STXBP3: variants seen among roughly 807,000 people sequenced by gnomAD.
STXBP3 encodes syntaxin binding protein 3, also known as syntaxin-binding protein 3.
A neutral mutation model predicts 85.7 loss-of-function variants in STXBP3; 41 were observed. The ratio of observed to expected loss-of-function variants is 0.48; its 90% CI spans 0.37 to 0.62. STXBP3 has a LOEUF of 0.62. STXBP3 is among the 20% of genes least tolerant of loss of function. The pLI is 0.00. For missense variants in STXBP3, 563 were observed against 703.1 expected (o/e 0.80, Z 2.25); for synonymous variants, 229 against 231.7 (o/e 0.99, Z 0.10).
intron 11 of STXBP3, among the ~76,000 whole-genome samples, chr1:108,788,876 A>G (rs931189973): frequency 4.1e-4 from 62 of 152,230 alleles, no homozygotes; most frequent in Middle Eastern, 3.4e-3. Flanking sequence ...AGTCTGGCCA[A>G]CATGGTGAAA....
chr1:108,797,682 A>G (rs1311991576), intron 15 of STXBP3, among the ~76,000 whole-genome samples: 2 of 151,854 alleles, frequency 1.3e-5, no homozygotes, highest in African/African-American at 4.8e-5. Flanking sequence ...TTCTGGGATT[A>G]CAGGTGTGAG....
At chr1:108,764,132 A>G (rs1047821887) in intron 6 of STXBP3, among the ~76,000 whole-genome samples, 1 of 152,098 alleles carries the variant, frequency 6.6e-6, no homozygotes, top group Non-Finnish European at 1.5e-5. Context: ...GAAAACATGT[A>G]GTATTTGGTT....
intron 7 of STXBP3, among the ~76,000 whole-genome samples, chr1:108,773,896 G>A (rs1394725742): frequency 2.0e-5 from 3 of 151,850 alleles, no homozygotes; most frequent in Admixed American, 6.6e-5. Flanking sequence ...TTGAGGACGT[G>A]CTAGATATGG....
chr1:108,757,673 A>G (rs1328354546), intron 4 of STXBP3, among the ~76,000 whole-genome samples: 4 of 152,062 alleles, frequency 2.6e-5, no homozygotes, highest in African/African-American at 9.6e-5. Flanking sequence ...ATATACTGCT[A>G]GTGGGAGTAT....
chr1:108,785,614 T>A (rs909273630), intron 11 of STXBP3, among the ~76,000 whole-genome samples: 1 of 152,234 alleles, frequency 6.6e-6, no homozygotes, highest in African/African-American at 2.4e-5. Flanking sequence ...TATGCAGATT[T>A]CAGCAGCCAG....
intron 18 of STXBP3, 55 bp from the exon 19 acceptor site, chr1:108,808,728 G>A (rs1033449285): frequency 3.9e-5 from 53 of 1,375,156 alleles, no homozygotes; most frequent in Middle Eastern, 1.8e-4. Context: ...TATATTAAGC[G>A]AAGGAAAATT....
chr1:108,767,989 A>G, intron 6 of STXBP3, among the ~76,000 whole-genome samples: 1 of 152,180 alleles, frequency 6.6e-6, no homozygotes, highest in East Asian at 1.9e-4. Flanking sequence ...GCTACACATA[A>G]GTGCATGGGA....
intron 11 of STXBP3, among the ~76,000 whole-genome samples, chr1:108,786,027 T>G (rs946540133): frequency 2.0e-5 from 3 of 152,210 alleles, no homozygotes; most frequent in Non-Finnish European, 4.4e-5. Flanking sequence ...TGTTACCCAG[T>G]TCCAAAGTTT....
At chr1:108,776,548 T>G (rs1241259822) in intron 8 of STXBP3, 125 bp downstream of exon 8, 1 of 586,468 alleles carries the variant, frequency 1.7e-6, no homozygotes, top group Non-Finnish European at 2.9e-6. Context: ...TCTCCAATAC[T>G]GATTTGAGAA....
intron 17 of STXBP3, among the ~76,000 whole-genome samples, chr1:108,803,637 C>T (rs1177253427): frequency 6.6e-6 from 1 of 152,154 alleles, no homozygotes; most frequent in Middle Eastern, 3.2e-3. Flanking sequence ...TACAGATGTG[C>T]ACCACCACAC....
chr1:108,764,494 A>G (rs147009746), intron 6 of STXBP3, among the ~76,000 whole-genome samples: 513 of 152,324 alleles, frequency 3.4e-3, no homozygotes, highest in Middle Eastern at 0.014. Context: ...CAATGGTTCA[A>G]CTAATATACA....
At chr1:108,808,491 T>G (rs1298530253) in intron 18 of STXBP3, among the ~76,000 whole-genome samples, 1 of 152,232 alleles carries the variant, frequency 6.6e-6, no homozygotes, top group Non-Finnish European at 1.5e-5. Flanking sequence ...ACTGTTATAG[T>G]GCTGAGGATA....
At chr1:108,754,228 G>T (rs1661972437) in intron 3 of STXBP3, among the ~76,000 whole-genome samples, 1 of 151,846 alleles carries the variant, frequency 6.6e-6, no homozygotes, top group South Asian at 2.1e-4. Flanking sequence ...TAGAAACAGG[G>T]TTTCACCATG....
chr1:108,799,276 T>C (rs1663180334), intron 16 of STXBP3, among the ~76,000 whole-genome samples: 1 of 152,208 alleles, frequency 6.6e-6, no homozygotes, highest in South Asian at 2.1e-4. Flanking sequence ...TTCTCTAACA[T>C]AAGAATTTTT....
intron 11 of STXBP3, among the ~76,000 whole-genome samples, chr1:108,785,270 A>G (rs929372426): frequency 1.3e-5 from 2 of 152,180 alleles, no homozygotes; most frequent in African/African-American, 2.4e-5. Context: ...AGACATTTCT[A>G]TACATCCTCT....
intron 1 of STXBP3, among the ~76,000 whole-genome samples, chr1:108,749,693 A>G (rs896407886): frequency 2.0e-5 from 3 of 152,160 alleles, no homozygotes; most frequent in African/African-American, 4.8e-5. Flanking sequence ...TGCCCTTACT[A>G]TCTCCATAAA....
intron 1 of STXBP3, among the ~76,000 whole-genome samples, chr1:108,751,345 C>T (rs1277028): frequency 0.7 from 106,989 of 152,010 alleles, 38,643 homozygotes; most frequent in Non-Finnish European, 0.77. Flanking sequence ...TTTTATTGTA[C>T]CACAGTAACT....
At chr1:108,785,051 C>T (rs137861346) in intron 11 of STXBP3, among the ~76,000 whole-genome samples, 137 of 152,296 alleles carry the variant, frequency 9.0e-4, no homozygotes, top group African/African-American at 3.2e-3. Context: ...TGAGTGTATG[C>T]AGCTTTTCCA....
At chr1:108,773,944 C>T (rs1471603981) in intron 7 of STXBP3, among the ~76,000 whole-genome samples, 1 of 152,032 alleles carries the variant, frequency 6.6e-6, no homozygotes, top group Non-Finnish European at 1.5e-5. Context: ...ATCCATCTAA[C>T]CCTACCAAGG....
Sources: gnomAD v4.1 joint callset for allele counts (sites outside exome capture counted in the v4.1 genomes callset) on GRCh38, gnomAD v4.1.1 for gene constraint, MANE v1.5 for transcripts, NCBI Gene and HGNC (gene_info 2026-07-23, HGNC 2026-07-21) for gene names.